Variants in DTNB observed in about 807,000 individuals in gnomAD.
DTNB encodes DTN-B.
A neutral mutation model predicts 90.7 loss-of-function variants in DTNB; 63 were observed. The ratio of observed to expected loss-of-function variants is 0.69; its 90% confidence interval spans 0.57 to 0.86. The LOEUF (loss-of-function observed/expected upper bound fraction) is 0.86. DTNB is among the 40% of genes least tolerant of loss of function. DTNB has a pLI of 0.00. For synonymous variants in DTNB, 277 were observed against 286.7 expected, an observed-to-expected ratio of 0.97 and a Z score of 0.34; for missense variants, 744 against 807.1, an observed-to-expected ratio of 0.92 and a Z score of 0.95.
chr2:25,574,715 C>CAT (rs1301982613), intron 8 of DTNB, among the ~76,000 whole-genome samples: 1 of 152,172 alleles, frequency 6.6e-6, no homozygotes, highest in Admixed American at 6.5e-5. Flanking sequence ...ATACACAAGG[C>CAT]ATACATCCAT....
At chr2:25,599,146 G>C (rs2065270567) in intron 5 of DTNB, 1 of 151,132 alleles carries the variant, frequency 6.6e-6, no homozygotes, top group Admixed American at 6.6e-5. Flanking sequence ...CGGGGACAGG[G>C]GAGGCCAAGT....
chr2:25,506,163 G>C (rs944096420), intron 9 of DTNB, among the ~76,000 whole-genome samples: 1 of 152,322 alleles, frequency 6.6e-6, no homozygotes, highest in South Asian at 2.1e-4. Flanking sequence ...GAAGGATGAA[G>C]AGAGGTTGGT....
chr2:25,618,295 G>A (rs779508168), intron 4 of DTNB, among the ~76,000 whole-genome samples: 5 of 152,188 alleles, frequency 3.3e-5, no homozygotes, highest in East Asian at 3.9e-4. Context: ...CCCTGATACC[G>A]CCCGACTTTG....
At chr2:25,592,216 C>A (rs1439254493) in intron 6 of DTNB, among the ~76,000 whole-genome samples, 1 of 151,962 alleles carries the variant, frequency 6.6e-6, no homozygotes, top group Non-Finnish European at 1.5e-5. Context: ...AGCTTTTCCC[C>A]AATTTTTTTT....
chr2:25,381,900 C>T (rs1162004139), intron 19 of DTNB, among the ~76,000 whole-genome samples: 1 of 152,240 alleles, frequency 6.6e-6, no homozygotes, highest in African/African-American at 2.4e-5. Context: ...GCCACTCCAG[C>T]CCCTATGGGC....
At chr2:25,481,061 C>T (rs2064828160) in intron 10 of DTNB, among the ~76,000 whole-genome samples, 1 of 151,792 alleles carries the variant, frequency 6.6e-6, no homozygotes, top group Non-Finnish European at 1.5e-5. Context: ...TCACATAAAC[C>T]CCAAAAGGTA....
rs34257264 is a variant in DTNB, at chr2:25,415,244, C to CTTTT, written c.1575+4267_1575+4270dup. Among the ~76,000 whole-genome samples, 42 of 123,510 alleles carry CTTTT rather than the reference C, an allele frequency of 3.4e-4. 1 individual carries two copies. The highest frequency in any genetic ancestry group is 3.4e-4 in the Non-Finnish European group (20 of 58,664). The allele number at this position is 123,510 out of a possible 152,430, so 81.0% of individuals were successfully genotyped here. A position where few individuals can be genotyped will look rare whatever the true frequency, so the allele number is the denominator to read the frequency against. On this transcript the variant is annotated intron_variant, in intron 16 of 20. Coordinates refer to ENST00000406818, the MANE Select transcript of DTNB (RefSeq NM_021907.5). ...TTCCAGGTTCCTGGCATAAGAGCTT[C>CTTTT]TTTTTTTTTTTTTTTTTTTTGAGAC...
Position 25,389,347 on chromosome 2 carries a change from C to T in DTNB, c.1576-986G>A, listed in dbSNP as rs116847553. On this transcript the variant is annotated intron_variant, in intron 16 of 20. Coordinates refer to ENST00000406818, the MANE Select transcript of DTNB (RefSeq NM_021907.5). ...GCGGAGCTCGGCTGCAGGCTGCAAG[C>T]GGGGCCATGGGGCCAGTCATGCCAC... Among the ~76,000 whole-genome samples, 489 of 152,336 alleles carry T rather than the reference C, an allele frequency of 3.2e-3. 14 individuals are homozygous for T. The East Asian group carries it at 0.065, about 20-fold the overall frequency.
At chr2:25,609,595 C>CAAAA (rs34804799) in intron 4 of DTNB, among the ~76,000 whole-genome samples, 3 of 109,218 alleles carry the variant, frequency 2.7e-5, no homozygotes, top group Non-Finnish European at 5.3e-5. Flanking sequence ...GAAACTCTTT[C>CAAAA]AAAAAAAAAA....
chr2:25,571,805 G>A (rs1041041242), intron 8 of DTNB, among the ~76,000 whole-genome samples: 5 of 152,008 alleles, frequency 3.3e-5, no homozygotes, highest in Admixed American at 6.6e-5. Flanking sequence ...AATGTATATC[G>A]GCAGTGGGGG....
In DTNB at chr2:25,383,861, CTCT is replaced by C. The variant is rs775977629; in HGVS notation, c.1851_1853del (p.Glu618del). On this transcript the variant is annotated inframe_deletion, in exon 19 of 21. Coordinates refer to ENST00000406818, the MANE Select transcript of DTNB (RefSeq NM_021907.5). ...CTCTGTCTTTCCCATTCTGCATCTT[CTCT>C]TCTTCTTCCTCTGCACCTTCCTCTG... The C allele has an allele frequency of 4.2e-5, 68 of 1,614,066 alleles. No individual in the cohort carries two copies. The East Asian group carries it at 1.1e-3, about 26-fold the overall frequency.
chr2:25,505,824 TAAAGGTTCTGAGTC>T lies in DTNB; in HGVS notation c.1002-22965_1002-22952del, dbSNP rs1377959298. On this transcript the variant is annotated intron_variant, in intron 9 of 20. Transcript: ENST00000406818. ...TTGACGTCAATGTCTTCATCATCGC[TAAAGGTTCTGAGTC>T]AAAGGTTCTGAGTCAGCACACAGTT... Among the ~76,000 whole-genome samples, 7 of 152,328 alleles carry T rather than the reference TAAAGGTTCTGAGTC, an allele frequency of 4.6e-5. No homozygotes were observed. In the East Asian group the frequency reaches 1.2e-3, roughly 25 times the overall value.
intron 16 of DTNB, among the ~76,000 whole-genome samples, chr2:25,407,710 G>A (rs1451940795): frequency 6.6e-6 from 1 of 152,222 alleles, no homozygotes; most frequent in African/African-American, 2.4e-5. Flanking sequence ...TTATAAGTGG[G>A]AGCTAAGCTA....
At chr2:25,521,119 C>A (rs758404872) in intron 9 of DTNB, among the ~76,000 whole-genome samples, 1 of 151,898 alleles carries the variant, frequency 6.6e-6, no homozygotes, top group Non-Finnish European at 1.5e-5. Flanking sequence ...TTCACCGCTG[C>A]GTGAAAAAAC....
At chr2:25,574,937 A>G in intron 8 of DTNB, among the ~76,000 whole-genome samples, 1 of 152,214 alleles carries the variant, frequency 6.6e-6, no homozygotes, top group Admixed American at 6.5e-5. Flanking sequence ...TGTGATTTGT[A>G]TACTTTTCTG....
chr2:25,648,993 C>CTTTT (rs60749102), intron 2 of DTNB, among the ~76,000 whole-genome samples: 7 of 94,032 alleles, frequency 7.4e-5, no homozygotes, highest in East Asian at 4.0e-4. Context: ...TCCTTCCTAC[C>CTTTT]TTTTTTTTTT....
intron 10 of DTNB, 58 bp downstream of exon 10, chr2:25,482,738 G>A: frequency 6.4e-7 from 1 of 1,556,814 alleles, no homozygotes; most frequent in Non-Finnish European, 8.9e-7. Context: ...TCTGGCAGGG[G>A]CATCGCAAAT....
chr2:25,560,515 A>T (rs1043884293), intron 8 of DTNB, among the ~76,000 whole-genome samples: 4 of 151,716 alleles, frequency 2.6e-5, no homozygotes, highest in Admixed American at 1.3e-4. Context: ...CTTTGGACCC[A>T]AACTGAAAGA....
intron 5 of DTNB, among the ~76,000 whole-genome samples, chr2:25,602,576 TA>T (rs2066131921): frequency 6.6e-6 from 1 of 152,204 alleles, no homozygotes; most frequent in African/African-American, 2.4e-5. Flanking sequence ...TACAGTCTGC[TA>T]ATGAAACATG....
Sources: allele counts gnomAD v4.1 joint callset (sites outside exome capture counted in the v4.1 genomes callset), GRCh38; gene constraint gnomAD v4.1.1; transcripts MANE v1.5; gene names NCBI Gene and HGNC (gene_info 2026-07-23, HGNC 2026-07-21).